Variants in IFIT3 observed in about 807,000 individuals in gnomAD.
IFIT3 encodes interferon-induced protein with tetratricopeptide repeats 3.
A neutral mutation model predicts 2.4 loss-of-function variants in IFIT3; 2 were observed. The ratio of observed to expected loss-of-function variants is 0.82; its 90% CI spans 0.34 to 2.60. The LOEUF is 2.60. Ranked by LOEUF, IFIT3 falls within the 30% of genes most tolerant of loss-of-function variation. The probability of loss-of-function intolerance (pLI) is 0.11; values close to 1 mark genes in which losing one functional copy is unlikely to be tolerated. For synonymous variants in IFIT3, 203 were observed against 212.1 expected, an observed-to-expected ratio of 0.96 and a Z score of 0.37; for missense variants, 481 against 562.4, an observed-to-expected ratio of 0.86 and a Z score of 1.46.
Position 89,339,886 on chromosome 10 carries a change from C to G in IFIT3, c.1231C>G (p.Pro411Ala), listed in dbSNP as rs201679118. The part of the protein sequence containing the change: ...QPQNVSENLL[P>A]QNAPNYWYLQ... ...ACAGAATGTATCTGAAAATCTGCTT[C>G]CACAAAATGCACCAAATTATTGGTA... Residue 411 changes from proline (P) to alanine (A), a missense_variant, in exon 2 of 2, where the codon CCA becomes GCA. Physicochemically the swap from Pro to Ala is conservative, Grantham distance 27 (BLOSUM62 -1). Transcript: ENST00000371818. The G allele has an allele frequency of 6.2e-7, 1 of 1,614,162 alleles. No individual in the cohort carries two copies. Among genetic ancestry groups the G allele is most frequent in the Non-Finnish European group, 8.5e-7 (1 of 1,180,000 alleles).
Position 89,339,747 on chromosome 10 carries a change from C to G in IFIT3, c.1092C>G (p.Tyr364Ter), listed in dbSNP as rs1317107681. The G allele has an allele frequency of 6.2e-7, 1 of 1,614,206 alleles. No homozygotes were observed. The highest frequency in any genetic ancestry group is 1.7e-5 in the Admixed American group (1 of 60,030). Residue 364 changes from tyrosine to a stop codon, truncating the protein, a stop_gained, in exon 2 of 2, where the codon TAC (tyrosine) becomes TAG (stop). Coordinates refer to ENST00000371818, the MANE Select transcript of IFIT3 (RefSeq NM_001549.6). LOFTEE classifies it low-confidence loss of function (END_TRUNC). ...AAAAGCAACAATCCCATCAGCGCTA[C>G]TGCAACCTTCAGAAATATAATGGGA... The part of the protein sequence containing the change: ...DAEKQQSHQR[Y>*]CNLQKYNGKS...
chr10:89,334,449 A>G (rs1352536133), intron 1 of IFIT3, among the ~76,000 whole-genome samples: 2 of 89,874 alleles, frequency 2.2e-5, no homozygotes, highest in Non-Finnish European at 4.7e-5. Context: ...GAACCTAGCT[A>G]TTCTGTTTTT....
chr10:89,332,584 G>A (rs1136861), intron 1 of IFIT3: 14 of 1,613,946 alleles, frequency 8.7e-6, no homozygotes, highest in South Asian at 2.2e-5. Flanking sequence ...AAAATCAACC[G>A]GGACCCCAGC....
chr10:89,334,070 A>G (rs1843691906), intron 1 of IFIT3, among the ~76,000 whole-genome samples: 1 of 152,232 alleles, frequency 6.6e-6, no homozygotes, highest in Non-Finnish European at 1.5e-5. Flanking sequence ...GACAAGCTGC[A>G]CATGTGCAGA....
intron 1 of IFIT3, among the ~76,000 whole-genome samples, chr10:89,336,901 C>T (rs1843750636): frequency 6.6e-6 from 1 of 152,196 alleles, no homozygotes; most frequent in African/African-American, 2.4e-5. Context: ...ACATACAGCC[C>T]AAGCCCCAGG....
chr10:89,339,292 T>C lies in IFIT3; in HGVS notation c.637T>C (p.Leu213=). The stretch of plus-strand genomic sequence containing the variant: ...TGATAACCAATACGTCAAGGTTCTC[T>C]TGGGCCTGAAACTGCAGAAGATGAA... The part of the protein sequence containing the change: ...SPDNQYVKVL[L]GLKLQKMNKE... Residue 213 remains leucine, a synonymous_variant, in exon 2 of 2, where the codon TTG becomes CTG. Transcript: ENST00000371818. 1.9e-6 allele frequency: 3 copies of C among 1,614,106 alleles called. No homozygotes were observed. Among genetic ancestry groups the C allele is most frequent in the Non-Finnish European group, 2.5e-6 (3 of 1,179,978 alleles).
Position 89,339,573 on chromosome 10 carries a change from GAT to G in IFIT3, c.919_920del (p.Ile307Ter). 2 of 1,614,196 alleles carry G rather than the reference GAT, an allele frequency of 1.2e-6. No individual in the cohort carries two copies. The highest frequency in any genetic ancestry group is 1.7e-6 in the Non-Finnish European group (2 of 1,180,030). ...CTGAAGCTAGTGGAAATAAAGAGAT[GAT>G]TGAAGCACTAAAGCAATATGCTATG... ...ESEASGNKEM[I>X]EALKQYAMDY... On this transcript the variant is annotated frameshift_variant, in exon 2 of 2. Coordinates refer to ENST00000371818, the MANE Select transcript of IFIT3 (RefSeq NM_001549.6). LOFTEE classifies it low-confidence loss of function (END_TRUNC).
At chr10:89,335,232 T>C (rs2133554299) in intron 1 of IFIT3, 1 of 152,308 alleles carries the variant, frequency 6.6e-6, no homozygotes, top group African/African-American at 2.4e-5. Flanking sequence ...TAGTTGACTA[T>C]CTTCCTGAAT....
intron 1 of IFIT3, among the ~76,000 whole-genome samples, chr10:89,334,429 A>C (rs7916398): frequency 0.063 from 9,135 of 146,104 alleles, 679 homozygotes; most frequent in African/African-American, 0.18. Flanking sequence ...CTACTCCCCA[A>C]GTTTCACCTG....
chr10:89,339,325 G>A lies in IFIT3; in HGVS notation c.670G>A (p.Ala224Thr), dbSNP rs376728166. ...GAAACTGCAGAAGATGAATAAAGAA[G>A]CTGAAGGAGAGCAGTTTGTTGAAGA... ...GLKLQKMNKE[A>T]EGEQFVEEAL... The change falls in exon 2 of 2, where the codon GCT (alanine) becomes ACT (threonine). Residue 224 changes from alanine (A) to threonine (T), a missense_variant. Coordinates refer to ENST00000371818, the MANE Select transcript of IFIT3 (RefSeq NM_001549.6). 8 of 1,613,822 alleles carry A rather than the reference G, an allele frequency of 5.0e-6. No individual in the cohort carries two copies. Among genetic ancestry groups the A allele is most frequent in the Non-Finnish European group, 6.8e-6 (8 of 1,179,890 alleles).
rs780078969 is a variant in IFIT3 at position 89,339,704 on chromosome 10, A to C, written c.1049A>C (p.Lys350Thr). The change falls in exon 2 of 2, where the codon AAG becomes ACG. Residue 350 changes from lysine (K) to threonine (T), a missense_variant. Coordinates refer to ENST00000371818, the MANE Select transcript of IFIT3 (RefSeq NM_001549.6). ...GAATGTTATCAGACACCATTCAATAAGGAAGTCCCTGATGCTGAAAAGCAA... is the reference window on the plus strand; with the variant it reads ...GAATGTTATCAGACACCATTCAATACGGAAGTCCCTGATGCTGAAAAGCAA... ...ETECYQTPFN[K>T]EVPDAEKQQS... The C allele has an allele frequency of 6.2e-7, 1 of 1,614,234 alleles. No homozygotes were observed. Among genetic ancestry groups the C allele is most frequent in the Non-Finnish European group, 8.5e-7 (1 of 1,180,034 alleles).
chr10:89,334,671 T>G (rs1409568431), intron 1 of IFIT3, among the ~76,000 whole-genome samples: 3 of 151,598 alleles, frequency 2.0e-5, no homozygotes, highest in African/African-American at 7.3e-5. Flanking sequence ...TTTTGTGTTT[T>G]TAGTACAGGC....
rs201323681 is a variant in IFIT3 at position 89,336,219 on chromosome 10, AAGAG to A, written c.6-2439_6-2436del. 4.7e-5 allele frequency among the ~76,000 whole-genome samples: 7 copies of A among 149,140 alleles called. No individual in the cohort carries two copies. In the South Asian group the frequency reaches 8.8e-4, roughly 19 times the overall value. The stretch of plus-strand genomic sequence containing the variant: ...GAAAGAAGGAAAATAGGGAGGGAGG[AAGAG>A]AGGGAGGGAGGGAAAGAAGGAAGGA... On this transcript the variant is annotated intron_variant, in intron 1 of 1. Transcript: ENST00000371818.
chr10:89,330,908 A>G (rs940853799), intron 1 of IFIT3, among the ~76,000 whole-genome samples: 2 of 152,236 alleles, frequency 1.3e-5, no homozygotes, highest in African/African-American at 4.8e-5. Context: ...CAGGTTTCTA[A>G]GCTCACATCA....
chr10:89,337,694 T>C lies in IFIT3; in HGVS notation c.6-967T>C, dbSNP rs1843765795. 2.0e-5 allele frequency among the ~76,000 whole-genome samples: 3 copies of C among 152,366 alleles called. No homozygotes were observed. In the South Asian group the frequency reaches 6.2e-4, roughly 32 times the overall value. The stretch of plus-strand genomic sequence containing the variant: ...GACTACAGGCATGAGTCACCATTCC[T>C]GGCTGACTTGGTAATTGAGCAGCGT... On this transcript the variant is annotated intron_variant, in intron 1 of 1. Coordinates refer to ENST00000371818, the MANE Select transcript of IFIT3 (RefSeq NM_001549.6).
intron 1 of IFIT3, among the ~76,000 whole-genome samples, chr10:89,333,513 G>C (rs754375088): frequency 3.3e-5 from 5 of 152,056 alleles, no homozygotes; most frequent in Admixed American, 3.3e-4. Context: ...AGGCAGGAGG[G>C]GGGAGGGGTG....
chr10:89,333,512 G>T lies in IFIT3; in HGVS notation c.6-5149G>T, dbSNP rs139371071. 5.9e-3 allele frequency among the ~76,000 whole-genome samples: 899 copies of T among 152,194 alleles called. 3 individuals carry two copies. The highest frequency in any genetic ancestry group is 0.027 in the Middle Eastern group (8 of 294). ...AGGAGGAAACCCCAAGAGGCAGGAGGGGGGAGGGGTGGGAAGAATGTTGAA... is the reference window on the plus strand; with the variant it reads ...AGGAGGAAACCCCAAGAGGCAGGAGTGGGGAGGGGTGGGAAGAATGTTGAA... On this transcript the variant is annotated intron_variant, in intron 1 of 1. Transcript: ENST00000371818.
chr10:89,334,786 C>T (rs995847469), intron 1 of IFIT3, among the ~76,000 whole-genome samples: 5 of 152,142 alleles, frequency 3.3e-5, no homozygotes, highest in East Asian at 3.9e-4. Flanking sequence ...CCACCGCGCC[C>T]GGCCACCTAG....
intron 1 of IFIT3, chr10:89,332,778 G>A: frequency 2.3e-6 from 2 of 855,992 alleles, no homozygotes; most frequent in Non-Finnish European, 3.8e-6. Context: ...TTTTATTTCT[G>A]TAGCTCTTTG....
Sources: gnomAD v4.1 joint callset for allele counts (sites outside exome capture counted in the v4.1 genomes callset) on GRCh38, gnomAD v4.1.1 for gene constraint, MANE v1.5 for transcripts, NCBI Gene and HGNC (gene_info 2026-07-23, HGNC 2026-07-21) for gene names.